Variants in MEAK7 observed in about 807,000 individuals in gnomAD.
MEAK7 encodes MTOR associated protein MEAK7.
In MEAK7, 68 loss-of-function variants were observed where a neutral mutation model predicts 40.5. The ratio of observed to expected loss-of-function variants is 1.68; its 90% CI spans 1.38 to 2.06. The LOEUF is 2.06. Ranked by LOEUF, MEAK7 falls within the 30% of genes most tolerant of loss-of-function variation. The pLI is 0.00. For synonymous variants in MEAK7, 338 were observed against 231.9 expected, an observed-to-expected ratio of 1.46 and a Z score of -4.16; for missense variants, 918 against 580.5, an observed-to-expected ratio of 1.58 and a Z score of -5.98.
At chr16:84,503,385 G>A (rs934235566) in intron 1 of MEAK7, among the ~76,000 whole-genome samples, 3 of 151,974 alleles carry the variant, frequency 2.0e-5, no homozygotes, top group South Asian at 2.1e-4. Context: ...CCACCCTAGC[G>A]CCCTGATGTT....
At position 84,487,384 on chromosome 16, in the gene MEAK7, C is replaced by T. The variant is rs1913183882; in HGVS notation, c.530-325G>A. On this transcript the variant is annotated intron_variant, in intron 4 of 7. Coordinates refer to ENST00000343629, the MANE Select transcript of MEAK7 (RefSeq NM_020947.4). ...GGTCCCTAGAAAAGGGAAAATTTCA[C>T]ATGGGGCTTGCTTTGTCTATTGGCC... The T allele has an allele frequency of 2.7e-5, 8 of 300,296 alleles. No homozygotes were observed. The South Asian group carries it at 3.5e-4, about 13-fold the overall frequency. The allele number at this position is 300,296 out of a possible 1,614,324, so 18.6% of individuals were successfully genotyped here. A position where few individuals can be genotyped will look rare whatever the true frequency, so the allele number is the denominator to read the frequency against.
chr16:84,487,332 C>A (rs1913179544), intron 4 of MEAK7: 1 of 387,868 alleles, frequency 2.6e-6, no homozygotes, highest in Non-Finnish European at 4.6e-6. Flanking sequence ...ATCAGTTTTC[C>A]CCTGTTTCTC....
intron 2 of MEAK7, 70 bp downstream of exon 2, chr16:84,497,864 C>T (rs1914180942): frequency 6.3e-7 from 1 of 1,598,062 alleles, no homozygotes; most frequent in African/African-American, 1.3e-5. Flanking sequence ...AAAGCAGATT[C>T]TGGCCTGAAA....
rs1292069383 is a variant in MEAK7 at position 84,487,279 on chromosome 16, T to A, written c.530-220A>T. 3.4e-5 allele frequency: 18 copies of A among 533,294 alleles called. No individual in the cohort carries two copies. The South Asian group carries it at 5.1e-4, about 15-fold the overall frequency. 33.0% of individuals were successfully genotyped at this position (533,294 alleles called of 1,614,324 possible). ...AATGTAAAATATCTCAATTTTTAAA[T>A]ATTCATTACATTTCAAAATTGTATT... On this transcript the variant is annotated intron_variant, in intron 4 of 7. Coordinates refer to ENST00000343629, the MANE Select transcript of MEAK7 (RefSeq NM_020947.4).
chr16:84,487,731 G>C (rs973044144), intron 4 of MEAK7: 2 of 152,310 alleles, frequency 1.3e-5, no homozygotes, highest in Admixed American at 1.3e-4. Flanking sequence ...GAGTGGAGGT[G>C]ACAGTAAGAG....
intron 4 of MEAK7, chr16:84,487,794 G>C (rs1030647385): frequency 6.6e-6 from 1 of 152,232 alleles, no homozygotes; most frequent in Non-Finnish European, 1.5e-5. Flanking sequence ...CCGAGCTCAG[G>C]AACAGCATGA....
In MEAK7 at chr16:84,489,355, G is replaced by T. The variant is rs1449654969; in HGVS notation, c.452C>A (p.Thr151Asn). Residue 151 changes from threonine to asparagine, a missense_variant, in exon 4 of 8, where the codon ACT becomes AAT. Physicochemically the swap from Thr to Asn is moderately conservative, Grantham distance 65. Coordinates refer to ENST00000343629, the MANE Select transcript of MEAK7 (RefSeq NM_020947.4). ...LSHRQELRGW[T>N]GKEAPGPNPR... ...GTTGGGCCCTGGGGCTTCCTTCCCA[G>T]TCCAGCCTCTCAGCTCCTGTCTGTG... The T allele has an allele frequency of 6.2e-7, 1 of 1,614,058 alleles. No individual in the cohort carries two copies. The highest frequency in any genetic ancestry group is 8.5e-7 in the Non-Finnish European group (1 of 1,180,042).
At chr16:84,483,166 G>C (rs1283583456) in intron 5 of MEAK7, among the ~76,000 whole-genome samples, 5 of 152,224 alleles carry the variant, frequency 3.3e-5, no homozygotes, top group Non-Finnish European at 5.9e-5. Context: ...TGCAGAGAGA[G>C]AAAACCTGCA....
chr16:84,500,533 A>G (rs1198390996), intron 1 of MEAK7, among the ~76,000 whole-genome samples: 2 of 152,198 alleles, frequency 1.3e-5, no homozygotes, highest in Non-Finnish European at 2.9e-5. Context: ...CCCTCTGCAC[A>G]GGAAGTCTCC....
chr16:84,483,078 C>T (rs1912721092), intron 5 of MEAK7, among the ~76,000 whole-genome samples: 1 of 152,214 alleles, frequency 6.6e-6, no homozygotes, highest in South Asian at 2.1e-4. Context: ...TCCGCAGAGA[C>T]TGAGGCCTCC....
Position 84,489,274 on chromosome 16 carries a change from T to G in MEAK7, c.529+4A>C, listed in dbSNP as rs760821644. The G allele has an allele frequency of 2.5e-6, 4 of 1,613,886 alleles. No individual in the cohort carries two copies. The highest frequency in any genetic ancestry group is 3.4e-6 in the Non-Finnish European group (4 of 1,179,868). On this transcript the variant is annotated splice_donor_region_variant and intron_variant, in intron 4 of 7. Transcript: ENST00000343629. ...CCTGCATCACCGCGTCCACGCACAC[T>G]TGCCTTGCAGCTTCATGTCAGAGAG...
intron 5 of MEAK7, among the ~76,000 whole-genome samples, chr16:84,485,465 G>C (rs1037610496): frequency 6.6e-6 from 1 of 152,162 alleles, no homozygotes; most frequent in Non-Finnish European, 1.5e-5. Context: ...ACAGTTCCCG[G>C]CCTTCAGAAC....
At chr16:84,483,339 C>T (rs1305612579) in intron 5 of MEAK7, among the ~76,000 whole-genome samples, 5 of 152,236 alleles carry the variant, frequency 3.3e-5, no homozygotes. Context: ...ATAAGCACCT[C>T]AGCACTGGGG....
At chr16:84,484,105 C>A (rs538082082) in intron 5 of MEAK7, among the ~76,000 whole-genome samples, 20 of 152,172 alleles carry the variant, frequency 1.3e-4, no homozygotes, top group Non-Finnish European at 1.9e-4. Context: ...ATCCTGAGCC[C>A]GTCTTGCTGC....
At chr16:84,495,565 C>T in intron 3 of MEAK7, 118 bp downstream of exon 3, 1 of 919,224 alleles carries the variant, frequency 1.1e-6, no homozygotes, top group South Asian at 1.6e-5. Context: ...TTAATTGAAA[C>T]CCAGCTCAAA....
At chr16:84,493,206 G>A (rs986592216) in intron 3 of MEAK7, among the ~76,000 whole-genome samples, 1 of 152,198 alleles carries the variant, frequency 6.6e-6, no homozygotes, top group Non-Finnish European at 1.5e-5. Context: ...TGCCAGAGAA[G>A]TACCCAAATT....
At chr16:84,484,515 G>C (rs1207887155) in intron 5 of MEAK7, among the ~76,000 whole-genome samples, 1 of 152,164 alleles carries the variant, frequency 6.6e-6, no homozygotes, top group Non-Finnish European at 1.5e-5. Context: ...TGATTGCACA[G>C]AAAACACAAG....
At chr16:84,494,032 C>G (rs939563991) in intron 3 of MEAK7, among the ~76,000 whole-genome samples, 10 of 151,728 alleles carry the variant, frequency 6.6e-5, no homozygotes, top group African/African-American at 2.2e-4. Flanking sequence ...TTAGAAAGGT[C>G]TAATCTAAAA....
At chr16:84,487,217 AG>A (rs1280645054) in intron 4 of MEAK7, 158 bp from the exon 5 acceptor site, 4 of 597,718 alleles carry the variant, frequency 6.7e-6, no homozygotes, top group Non-Finnish European at 1.1e-5. Context: ...TCAGTGTAAA[AG>A]GCACACTTGA....
Sources: gnomAD v4.1 joint callset for allele counts (sites outside exome capture counted in the v4.1 genomes callset) on GRCh38, gnomAD v4.1.1 for gene constraint, MANE v1.5 for transcripts, NCBI Gene and HGNC (gene_info 2026-07-23, HGNC 2026-07-21) for gene names.